Variants in NSRP1 observed in about 807,000 individuals in gnomAD.
The protein encoded by NSRP1 is coiled-coil domain containing 55.
Under a neutral mutation model 54.7 loss-of-function variants are expected in NSRP1, and 24 were observed. The observed-to-expected ratio is 0.44, with a 90% CI of 0.32 to 0.62. The LOEUF is 0.62. NSRP1 is among the 20% of genes least tolerant of loss of function. The pLI is 0.06. For missense variants in NSRP1, 596 were observed against 651.2 expected, an observed-to-expected ratio of 0.92 and a Z score of 0.92; for synonymous variants, 210 against 213.8, an observed-to-expected ratio of 0.98 and a Z score of 0.15.
intron 2 of NSRP1, among the ~76,000 whole-genome samples, chr17:30,161,829 A>G (rs1904526925): frequency 6.6e-6 from 1 of 152,180 alleles, no homozygotes; most frequent in Admixed American, 6.6e-5. Context: ...ATGTTGTAAG[A>G]GTATGTCTTT....
At position 30,184,989 on chromosome 17, in the gene NSRP1, A is replaced by G; in HGVS notation, c.992A>G (p.His331Arg). The G allele has an allele frequency of 6.2e-7, 1 of 1,614,114 alleles. No homozygotes were observed. Among genetic ancestry groups the G allele is most frequent in the Non-Finnish European group, 8.5e-7 (1 of 1,180,016 alleles). The change falls in exon 7 of 7, where the codon CAT becomes CGT. Residue 331 changes from histidine (H) to arginine (R), a missense_variant. Physicochemically the swap from His to Arg is conservative, Grantham distance 29. Coordinates refer to ENST00000247026, the MANE Select transcript of NSRP1 (RefSeq NM_032141.4). ...QQKQSRDQEN[H>R]YTDRDYRKER... The stretch of plus-strand genomic sequence containing the variant: ...AAGCAATCCAGAGACCAAGAGAACC[A>G]TTACACTGACCGTGATTACCGGAAA...
At position 30,172,479 on chromosome 17, in the gene NSRP1, G is replaced by T. The variant is rs1014181704; in HGVS notation, c.115-63G>T. The T allele has an allele frequency of 9.1e-6, 12 of 1,325,326 alleles. 1 individual carries two copies. The highest frequency in any genetic ancestry group is 5.3e-5 in the South Asian group (4 of 75,378). 82.1% of individuals were successfully genotyped at this position (1,325,326 alleles called of 1,614,324 possible). ...GTCCCATGTATTTTAGATAGGGGACGCTCGTACTGGAAAAGAAATTTTAAA... is the reference window on the plus strand; with the variant it reads ...GTCCCATGTATTTTAGATAGGGGACTCTCGTACTGGAAAAGAAATTTTAAA... On this transcript the variant is annotated intron_variant, in intron 2 of 6. Coordinates refer to ENST00000247026, the MANE Select transcript of NSRP1 (RefSeq NM_032141.4).
chr17:30,175,690 T>C (rs1333082244), intron 3 of NSRP1, among the ~76,000 whole-genome samples: 1 of 152,088 alleles, frequency 6.6e-6, no homozygotes, highest in Non-Finnish European at 1.5e-5. Flanking sequence ...CAGGCATGAG[T>C]TGCCACACCC....
At chr17:30,166,927 A>G (rs76046787) in intron 2 of NSRP1, among the ~76,000 whole-genome samples, 1 of 152,144 alleles carries the variant, frequency 6.6e-6, no homozygotes, top group Non-Finnish European at 1.5e-5. Context: ...CTCCATCTCA[A>G]ACAAACAAAA....
intron 2 of NSRP1, among the ~76,000 whole-genome samples, chr17:30,166,905 A>G (rs1224199018): frequency 3.3e-5 from 5 of 152,184 alleles, no homozygotes; most frequent in African/African-American, 1.2e-4. Context: ...CAACCTGGGC[A>G]GCAGAGCAAG....
chr17:30,179,364 T>G, intron 5 of NSRP1, 67 bp downstream of exon 5: 1 of 1,465,880 alleles, frequency 6.8e-7, no homozygotes, highest in East Asian at 2.4e-5. Context: ...GGTTAGCTGT[T>G]TGCTCTGTCA....
chr17:30,164,030 C>T (rs543302366), intron 2 of NSRP1, among the ~76,000 whole-genome samples: 39 of 145,366 alleles, frequency 2.7e-4, no homozygotes, highest in Admixed American at 1.3e-3. Flanking sequence ...TGTGTGTGTG[C>T]GTGTGTGCGA....
At chr17:30,169,476 A>G (rs979853701) in intron 2 of NSRP1, among the ~76,000 whole-genome samples, 3 of 152,120 alleles carry the variant, frequency 2.0e-5, no homozygotes, top group African/African-American at 4.8e-5. Context: ...TTTCATTCAT[A>G]CTAATCAGAA....
chr17:30,139,722 G>C (rs9913103), intron 2 of NSRP1, among the ~76,000 whole-genome samples: 7,814 of 152,004 alleles, frequency 0.051, 330 homozygotes, highest in African/African-American at 0.12. Context: ...TTTTTCACAG[G>C]AATACTGAGA....
In NSRP1 at chr17:30,163,190, TG is replaced by T. The variant is rs1287843312; in HGVS notation, c.115-9351del. ...ATGTACCACCACATCCGGCTAATTT[TG>T]TGTGTGTGTGTGTGTGTGTGTGTGT... On this transcript the variant is annotated intron_variant, in intron 2 of 6. Coordinates refer to ENST00000247026, the MANE Select transcript of NSRP1 (RefSeq NM_032141.4). 3.3e-3 allele frequency: 8 copies of T among 2,398 alleles called. No individual in the cohort carries two copies. The South Asian group carries it at 0.065, about 19-fold the overall frequency. The allele number at this position is 2,398 out of a possible 1,614,324, so 0.1% of individuals were successfully genotyped here.
At chr17:30,122,033 A>G (rs1280852410) in intron 2 of NSRP1, among the ~76,000 whole-genome samples, 1 of 152,090 alleles carries the variant, frequency 6.6e-6, no homozygotes, top group Admixed American at 6.6e-5. Flanking sequence ...CCTATTCTGC[A>G]CATTTCATAT....
At chr17:30,151,003 T>A (rs1254883513) in intron 2 of NSRP1, among the ~76,000 whole-genome samples, 1 of 152,142 alleles carries the variant, frequency 6.6e-6, no homozygotes, top group Admixed American at 6.5e-5. Context: ...CACATCTTTA[T>A]GAGCATTTGT....
intron 1 of NSRP1, chr17:30,117,160 T>A (rs757797269): frequency 1.4e-6 from 1 of 716,948 alleles, no homozygotes; most frequent in Non-Finnish European, 2.6e-6. Flanking sequence ...CAGTCTTGCT[T>A]CCTAACCCGC....
rs577229866 is a variant in NSRP1, at chr17:30,182,818, C to T, written c.618-1797C>T. 3.8e-3 allele frequency among the ~76,000 whole-genome samples: 573 copies of T among 151,904 alleles called. 2 individuals are homozygous for T. Among genetic ancestry groups the T allele is most frequent in the African/African-American group, 0.013 (554 of 41,402 alleles). ...GCGTGGTGGCGGGCGCCTGTTGTCC[C>T]AGCTACTTGGGAGGCTGAGGCAGGA... On this transcript the variant is annotated intron_variant, in intron 6 of 6. Transcript: ENST00000247026.
intron 6 of NSRP1, among the ~76,000 whole-genome samples, chr17:30,183,952 C>T (rs1039200879): frequency 1.3e-5 from 2 of 152,056 alleles, no homozygotes; most frequent in Non-Finnish European, 2.9e-5. Flanking sequence ...CTGTAATCCC[C>T]GCACTTTGGG....
At chr17:30,180,389 C>T (rs898953781) in intron 5 of NSRP1, among the ~76,000 whole-genome samples, 2 of 152,166 alleles carry the variant, frequency 1.3e-5, no homozygotes, top group Non-Finnish European at 1.5e-5. Context: ...CTCCTGAGCT[C>T]AGGTGATCCA....
At chr17:30,137,985 T>A (rs529620237) in intron 2 of NSRP1, among the ~76,000 whole-genome samples, 115 of 152,310 alleles carry the variant, frequency 7.6e-4, no homozygotes, top group African/African-American at 2.7e-3. Flanking sequence ...AAACTGAAAG[T>A]GTATACTCAT....
chr17:30,124,598 AAGCAAGTAGTGAT>A (rs2071634263), intron 2 of NSRP1, among the ~76,000 whole-genome samples: 1 of 152,238 alleles, frequency 6.6e-6, no homozygotes, highest in Non-Finnish European at 1.5e-5. Flanking sequence ...CAGCAGTAAG[AAGCAAGTAGTGAT>A]ATATAGAGGG....
chr17:30,116,856 G>A lies in NSRP1; in HGVS notation c.13G>A (p.Gly5Ser), dbSNP rs1448571183. 5 of 1,575,796 alleles carry A rather than the reference G, an allele frequency of 3.2e-6. No individual in the cohort carries two copies. Among genetic ancestry groups the A allele is most frequent in the Non-Finnish European group, 3.4e-6 (4 of 1,160,188 alleles). Residue 5 changes from glycine to serine, a missense_variant, in exon 1 of 7, where the codon GGC becomes AGC. Gly to Ser is a moderately conservative substitution (Grantham distance 56). Transcript: ENST00000247026. MAIPGRQYGLILPKK... is the reference protein window; with the variant it reads MAIPSRQYGLILPKK... ...ACACGGGAGCAAGATGGCGATTCCG[G>A]GCAGGCAGTGAGTGATCCGGGAGTT...
Sources: allele counts gnomAD v4.1 joint callset (sites outside exome capture counted in the v4.1 genomes callset), GRCh38; gene constraint gnomAD v4.1.1; transcripts MANE v1.5; gene names NCBI Gene and HGNC (gene_info 2026-07-23, HGNC 2026-07-21).